The following RTN1 variants were observed in gnomAD, a reference collection of about 807,000 sequenced individuals.
The protein encoded by RTN1 is reticulon 1.
Under a neutral mutation model 65.5 loss-of-function variants are expected in RTN1, and 25 were observed. The observed-to-expected ratio is 0.38, with a 90% CI of 0.28 to 0.53. RTN1 has a LOEUF of 0.53. Among genes scored for constraint, RTN1 ranks in the 20% least tolerant of loss-of-function variants. The pLI, the probability that RTN1 is intolerant of heterozygous loss-of-function variation, is 0.79. For synonymous variants in RTN1, 471 were observed against 447.6 expected (o/e 1.05, Z -0.66); for missense variants, 983 against 1,025.4 (o/e 0.96, Z 0.57).
intron 3 of RTN1, among the ~76,000 whole-genome samples, chr14:59,654,008 C>A (rs1193510274): frequency 1.3e-5 from 2 of 152,044 alleles, no homozygotes; most frequent in Non-Finnish European, 2.9e-5. Flanking sequence ...CTGCAACCTC[C>A]ACCTCCCAGT....
At position 59,719,035 on chromosome 14, in the gene RTN1, G is replaced by C. The variant is rs972120645; in HGVS notation, c.1765+7884C>G. Among the ~76,000 whole-genome samples, 12 of 152,236 alleles carry C rather than the reference G, an allele frequency of 7.9e-5. No homozygotes were observed. The East Asian group carries it at 2.1e-3, about 27-fold the overall frequency. ...AATTTGTCTTCCTGCTTCCATGCTT[G>C]CTTGTCCTCCTTCAACTCTTTCTCC... On this transcript the variant is annotated intron_variant, in intron 3 of 8. Transcript: ENST00000267484.
At chr14:59,867,124 T>C (rs1290180206) in intron 1 of RTN1, among the ~76,000 whole-genome samples, 1 of 152,228 alleles carries the variant, frequency 6.6e-6, no homozygotes, top group Non-Finnish European at 1.5e-5. Context: ...AATGAGTTAA[T>C]TTCCAAAGCA....
chr14:59,619,794 G>T (rs1594635835), intron 3 of RTN1, among the ~76,000 whole-genome samples: 1 of 152,100 alleles, frequency 6.6e-6, no homozygotes, highest in Non-Finnish European at 1.5e-5. Flanking sequence ...AGAAGGAAGG[G>T]GTAAGCTACA....
chr14:59,689,984 C>CT lies in RTN1; in HGVS notation c.1765+36934dup, dbSNP rs113453078. Among the ~76,000 whole-genome samples the CT allele has an allele frequency of 2.7e-3, 395 of 148,434 alleles. 2 individuals are homozygous for CT. The highest frequency in any genetic ancestry group is 7.0e-3 in the Middle Eastern group (2 of 284). ...CAATATTAATCTTGAATGTAATTTC[C>CT]TTTTTTTTTTTTTGGTAGAGATGGG... On this transcript the variant is annotated intron_variant, in intron 3 of 8. Coordinates refer to ENST00000267484, the MANE Select transcript of RTN1 (RefSeq NM_021136.3).
At position 59,745,909 on chromosome 14, in the gene RTN1, G is replaced by A. The variant is rs141896177; in HGVS notation, c.814C>T (p.Arg272Cys). Residue 272 changes from arginine to cysteine, a missense_variant, in exon 2 of 9, where the codon CGC (arginine) becomes TGC (cysteine). Transcript: ENST00000267484. ...PYIDDLSEEQRRAPQITTPVK... is the reference protein window; with the variant it reads ...PYIDDLSEEQCRAPQITTPVK... ...GGGGTGGTGATCTGAGGAGCCCTGC[G>A]CTGTTCTTCAGAGAGATCATCTATG... The A allele has an allele frequency of 1.5e-5, 25 of 1,614,024 alleles. No individual in the cohort carries two copies. Among genetic ancestry groups the A allele is most frequent in the East Asian group, 1.1e-4 (5 of 44,890 alleles).
intron 1 of RTN1, among the ~76,000 whole-genome samples, chr14:59,865,169 T>C (rs1282818299): frequency 6.6e-6 from 1 of 152,196 alleles, no homozygotes; most frequent in African/African-American, 2.4e-5. Context: ...TCTATGAATA[T>C]TTAGCATAAT....
At chr14:59,771,321 T>C (rs1160486357) in intron 1 of RTN1, among the ~76,000 whole-genome samples, 2 of 152,168 alleles carry the variant, frequency 1.3e-5, no homozygotes, top group African/African-American at 4.8e-5. Flanking sequence ...ACCCAATGGG[T>C]TGACTAAGAA....
At position 59,787,242 on chromosome 14, in the gene RTN1, G is replaced by A. The variant is rs138734624; in HGVS notation, c.242-40761C>T. On this transcript the variant is annotated intron_variant, in intron 1 of 8. Coordinates refer to ENST00000267484, the MANE Select transcript of RTN1 (RefSeq NM_021136.3). ...CCCCTAGGGGAGCTATGGAGGTGGT[G>A]TAACAGCTGTCAAAAGCCCTCCTGC... 1.1e-3 allele frequency among the ~76,000 whole-genome samples: 170 copies of A among 152,234 alleles called. 1 individual carries two copies. Among genetic ancestry groups the A allele is most frequent in the African/African-American group, 4.0e-3 (168 of 41,556 alleles).
chr14:59,752,436 C>T (rs188642782), intron 1 of RTN1, among the ~76,000 whole-genome samples: 7 of 152,186 alleles, frequency 4.6e-5, no homozygotes, highest in Admixed American at 4.6e-4. Context: ...CTCCCAAAGG[C>T]CCGACTCCAG....
intron 1 of RTN1, 131 bp from the exon 2 acceptor site, chr14:59,746,612 G>GGAGCTCCCTCA: frequency 1.4e-6 from 1 of 705,968 alleles, no homozygotes; most frequent in African/African-American, 1.8e-5. Context: ...GAGTTCCCTC[G>GGAGCTCCCTCA]GAGCTCCCTC....
chr14:59,870,496 C>T lies in RTN1; in HGVS notation c.135G>A (p.Gly45=), dbSNP rs1887880665. The T allele has an allele frequency of 1.4e-6, 2 of 1,458,038 alleles. No homozygotes were observed. Among genetic ancestry groups the T allele is most frequent in the Non-Finnish European group, 9.0e-7 (1 of 1,111,680 alleles). The allele number at this position is 1,458,038 out of a possible 1,614,324, so 90.3% of individuals were successfully genotyped here. The change falls in exon 1 of 9, where the codon GGG becomes GGA. Residue 45 remains glycine (G), a synonymous_variant. Coordinates refer to ENST00000267484, the MANE Select transcript of RTN1 (RefSeq NM_021136.3). This position sits in a 1 kb window ranked among gnomAD's most constrained non-coding sequence, Gnocchi z 5.1. Reference sequence around the variant, plus strand: ...TGGCGCCCAACCCCGGGCTGGGCTCCCCAGCCTGCGGCGCCGGCGTGGCCC... The same window carrying T: ...TGGCGCCCAACCCCGGGCTGGGCTCTCCAGCCTGCGGCGCCGGCGTGGCCC... ...PKGATPAPQA[G]EPSPGLGARA...
rs2139554903 is a variant in RTN1 at position 59,766,561 on chromosome 14, C to T, written c.242-20080G>A. ...TACCTCCTAGCTTCTGGTTGTTTAT[C>T]AGATGACCCCATGATAAGGTTTAAG... On this transcript the variant is annotated intron_variant, in intron 1 of 8. Transcript: ENST00000267484. This position sits in a 1 kb window ranked among gnomAD's most constrained non-coding sequence, Gnocchi z 4.4. 6.6e-6 allele frequency among the ~76,000 whole-genome samples: 1 copy of T among 152,260 alleles called. No homozygotes were observed. The highest frequency in any genetic ancestry group is 2.1e-4 in the South Asian group (1 of 4,820).
At position 59,742,171 on chromosome 14, in the gene RTN1, G is replaced by C. The variant is rs186775390; in HGVS notation, c.1015+3537C>G. Among the ~76,000 whole-genome samples, 20 of 152,280 alleles carry C rather than the reference G, an allele frequency of 1.3e-4. 1 individual carries two copies. Among genetic ancestry groups the C allele is most frequent in the African/African-American group, 4.6e-4 (19 of 41,564 alleles). On this transcript the variant is annotated intron_variant, in intron 2 of 8. Transcript: ENST00000267484. ...TAGATCCCATCAATGCAAGGAAATA[G>C]CAATGGTAGTTTTCAAATTTAAGTT... is the stretch of plus-strand genomic sequence containing the variant.
Position 59,766,362 on chromosome 14 carries a change from G to A in RTN1, c.242-19881C>T, listed in dbSNP as rs1293599824. Reference sequence around the variant, plus strand: ...AATTAAATTTTCCTGTCCTAAGTGTGTAGAAACAGGCCAGAGTCAAGGTAT... The same window carrying A: ...AATTAAATTTTCCTGTCCTAAGTGTATAGAAACAGGCCAGAGTCAAGGTAT... On this transcript the variant is annotated intron_variant, in intron 1 of 8. Transcript: ENST00000267484. This position sits in a 1 kb window ranked among gnomAD's most constrained non-coding sequence, Gnocchi z 4.4. Among the ~76,000 whole-genome samples the A allele has an allele frequency of 6.6e-6, 1 of 152,196 alleles. No homozygotes were observed. The highest frequency in any genetic ancestry group is 2.4e-5 in the African/African-American group (1 of 41,444).
chr14:59,760,868 C>T (rs1384097156), intron 1 of RTN1, among the ~76,000 whole-genome samples: 1 of 152,200 alleles, frequency 6.6e-6, no homozygotes, highest in Non-Finnish European at 1.5e-5. Context: ...CCAGAGAATA[C>T]ACTGTAGTTC....
intron 2 of RTN1, among the ~76,000 whole-genome samples, chr14:59,734,980 C>A (rs1428670035): frequency 6.6e-6 from 1 of 151,980 alleles, no homozygotes; most frequent in Non-Finnish European, 1.5e-5. Context: ...TTAAGGGCAG[C>A]CACAGAGAAA....
chr14:59,825,509 G>A lies in RTN1; in HGVS notation c.241+44881C>T, dbSNP rs1475785574. Among the ~76,000 whole-genome samples, 5 of 152,198 alleles carry A rather than the reference G, an allele frequency of 3.3e-5. No homozygotes were observed. Among genetic ancestry groups the A allele is most frequent in the Admixed American group, 2.0e-4 (3 of 15,278 alleles). Reference sequence around the variant, plus strand: ...TGTCAAAGTTTTATCAGCCTGAGGGGAAGCTGCCTGTGGTGTAGCCAGCAG... The same window carrying A: ...TGTCAAAGTTTTATCAGCCTGAGGGAAAGCTGCCTGTGGTGTAGCCAGCAG... On this transcript the variant is annotated intron_variant, in intron 1 of 8. Coordinates refer to ENST00000267484, the MANE Select transcript of RTN1 (RefSeq NM_021136.3). The surrounding 1 kb of genome is among the most constrained non-coding windows in gnomAD (Gnocchi z 4.2).
At chr14:59,820,329 A>G (rs115202635) in intron 1 of RTN1, among the ~76,000 whole-genome samples, 1,226 of 114,150 alleles carry the variant, frequency 0.011, 12 homozygotes, top group African/African-American at 0.038. Flanking sequence ...ACTTTCTCCC[A>G]TTCTGTAGGC....
chr14:59,823,100 G>A (rs1886971512), intron 1 of RTN1, among the ~76,000 whole-genome samples: 1 of 152,066 alleles, frequency 6.6e-6, no homozygotes, highest in African/African-American at 2.4e-5. Context: ...TGTTGTCACT[G>A]GAGAGTTGAA....
Sources: gnomAD v4.1 joint callset for allele counts (sites outside exome capture counted in the v4.1 genomes callset) on GRCh38, gnomAD v4.1.1 for gene constraint, Gnocchi (gnomAD v3.1) non-coding constraint, MANE v1.5 for transcripts, NCBI Gene and HGNC (gene_info 2026-07-23, HGNC 2026-07-21) for gene names.